The following AP3B1 variants were observed in gnomAD, a reference collection of about 807,000 sequenced individuals.
AP3B1 encodes the protein AP-3 complex subunit beta-1.
AP3B1 carries 61 observed loss-of-function variants against 132.5 expected under a neutral mutation model. The ratio of observed to expected loss-of-function variants is 0.46; its 90% CI spans 0.37 to 0.57. The LOEUF (loss-of-function observed/expected upper bound fraction) is 0.57. Among genes scored for constraint, AP3B1 ranks in the 20% least tolerant of loss-of-function variants. AP3B1 has a pLI of 0.00. For synonymous variants in AP3B1, 388 were observed against 438.3 expected, an observed-to-expected ratio of 0.89 and a Z score of 1.43; for missense variants, 1,120 against 1,289.4, an observed-to-expected ratio of 0.87 and a Z score of 2.01.
At chr5:78,069,337 T>C (rs913799476) in intron 22 of AP3B1, among the ~76,000 whole-genome samples, 1 of 152,166 alleles carries the variant, frequency 6.6e-6, no homozygotes, top group Admixed American at 6.6e-5. Flanking sequence ...TGACATGATC[T>C]TATATCTAGA....
At chr5:78,238,511 C>CT (rs1375675469) in intron 3 of AP3B1, among the ~76,000 whole-genome samples, 1 of 152,046 alleles carries the variant, frequency 6.6e-6, no homozygotes, top group African/African-American at 2.4e-5. Context: ...ACGTTGGGGA[C>CT]TACTGATATA....
chr5:78,180,934 GAACA>G (rs1481618526), intron 8 of AP3B1, among the ~76,000 whole-genome samples: 1 of 151,332 alleles, frequency 6.6e-6, no homozygotes, highest in Non-Finnish European at 1.5e-5. Flanking sequence ...AAAAGGTGTC[GAACA>G]AACAAAAAAA....
chr5:78,128,782 T>G (rs987762978), intron 16 of AP3B1, among the ~76,000 whole-genome samples: 2 of 152,092 alleles, frequency 1.3e-5, no homozygotes, highest in Non-Finnish European at 2.9e-5. Flanking sequence ...TAACTCACTA[T>G]TAAAAGGAAT....
At chr5:78,244,952 A>G (rs767837661) in intron 2 of AP3B1, among the ~76,000 whole-genome samples, 8 of 151,536 alleles carry the variant, frequency 5.3e-5, no homozygotes. Flanking sequence ...CCAAGATCGC[A>G]CCCCTGCACT....
intron 2 of AP3B1, among the ~76,000 whole-genome samples, chr5:78,257,524 CA>C (rs1193041695): frequency 6.6e-6 from 1 of 152,084 alleles, no homozygotes; most frequent in Non-Finnish European, 1.5e-5. Context: ...TTGAAAAGGA[CA>C]CCAAAAAATG....
At chr5:78,046,819 T>C (rs1039838128) in intron 22 of AP3B1, among the ~76,000 whole-genome samples, 2 of 152,150 alleles carry the variant, frequency 1.3e-5, no homozygotes, top group African/African-American at 4.8e-5. Flanking sequence ...CTGTCATCTA[T>C]ATTAGGTATT....
At chr5:78,055,493 A>T (rs1284784830) in intron 22 of AP3B1, among the ~76,000 whole-genome samples, 2 of 152,198 alleles carry the variant, frequency 1.3e-5, no homozygotes, top group African/African-American at 4.8e-5. Context: ...ACTGCATGTG[A>T]CAGTGTGTTG....
intron 21 of AP3B1, among the ~76,000 whole-genome samples, chr5:78,096,785 G>A (rs374212977): frequency 0.035 from 5,280 of 150,966 alleles, 142 homozygotes; most frequent in Middle Eastern, 0.049. Flanking sequence ...CAGCCGCCCC[G>A]TCTGGGAAGT....
At chr5:78,008,996 C>CA in intron 26 of AP3B1, among the ~76,000 whole-genome samples, 1 of 152,118 alleles carries the variant, frequency 6.6e-6, no homozygotes, top group Non-Finnish European at 1.5e-5. Flanking sequence ...CTAGCACCAG[C>CA]AAAATCTGTC....
intron 15 of AP3B1, among the ~76,000 whole-genome samples, chr5:78,138,969 CAAAAAAAAAA>C (rs34427836): frequency 2.3e-4 from 9 of 39,470 alleles, no homozygotes; most frequent in Admixed American, 1.8e-3. Context: ...AACTCTGTCT[CAAAAAAAAAA>C]AAAAAAAAAA....
chr5:78,268,251 G>A (rs763298606), intron 1 of AP3B1, among the ~76,000 whole-genome samples: 120 of 151,956 alleles, frequency 7.9e-4, no homozygotes, highest in Non-Finnish European at 3.8e-4. Flanking sequence ...AACAGAAAAG[G>A]GAGAGAAATT....
intron 1 of AP3B1, among the ~76,000 whole-genome samples, chr5:78,283,338 G>A (rs1417565640): frequency 6.6e-6 from 1 of 152,138 alleles, no homozygotes; most frequent in Admixed American, 6.5e-5. Flanking sequence ...CCATTTATCG[G>A]CTGTCTTCCT....
intron 22 of AP3B1, among the ~76,000 whole-genome samples, chr5:78,076,726 A>G (rs1310424668): frequency 2.6e-5 from 4 of 152,316 alleles, no homozygotes; most frequent in African/African-American, 7.2e-5. Context: ...CAATATTTCA[A>G]ACAATCAAGG....
chr5:78,238,327 C>T lies in AP3B1; in HGVS notation c.279+2535G>A, dbSNP rs193212208. On this transcript the variant is annotated intron_variant, in intron 3 of 26. Coordinates refer to ENST00000255194, the MANE Select transcript of AP3B1 (RefSeq NM_003664.5). ...TAAGAAAACAAGCTCAGGGCTCCCA[C>T]TGATTCTACATTATGGTGAGTTATA... Among the ~76,000 whole-genome samples the T allele has an allele frequency of 6.8e-3, 1,028 of 152,296 alleles. 7 individuals carry two copies. The highest frequency in any genetic ancestry group is 0.012 in the Non-Finnish European group (798 of 68,024).
intron 2 of AP3B1, among the ~76,000 whole-genome samples, chr5:78,251,601 G>A (rs544377572): frequency 6.6e-5 from 10 of 152,234 alleles, no homozygotes; most frequent in South Asian, 2.1e-4. Context: ...AAGGAAAACC[G>A]GACCGAACTC....
chr5:78,224,083 A>G (rs971352862), intron 6 of AP3B1, among the ~76,000 whole-genome samples: 4 of 152,168 alleles, frequency 2.6e-5, no homozygotes, highest in African/African-American at 9.6e-5. Flanking sequence ...TTTTTAAATT[A>G]TTAAAATCAA....
At chr5:78,210,725 C>T (rs974291879) in intron 7 of AP3B1, among the ~76,000 whole-genome samples, 1 of 152,204 alleles carries the variant, frequency 6.6e-6, no homozygotes, top group African/African-American at 2.4e-5. Flanking sequence ...AAAAACATTC[C>T]TAGCAGGCCC....
intron 2 of AP3B1, among the ~76,000 whole-genome samples, chr5:78,241,587 C>T (rs1177982970): frequency 6.6e-6 from 1 of 152,080 alleles, no homozygotes; most frequent in African/African-American, 2.4e-5. Context: ...CTTCTGCAAC[C>T]ATTGCTTTTC....
At chr5:78,238,727 T>C (rs927563951) in intron 3 of AP3B1, among the ~76,000 whole-genome samples, 10 of 151,788 alleles carry the variant, frequency 6.6e-5, no homozygotes, top group African/African-American at 2.4e-4. Flanking sequence ...AAAATGTTTC[T>C]AGTTAACCCA....
Sources: gnomAD v4.1 joint callset for allele counts (sites outside exome capture counted in the v4.1 genomes callset) on GRCh38, gnomAD v4.1.1 for gene constraint, MANE v1.5 for transcripts, NCBI Gene and HGNC (gene_info 2026-07-23, HGNC 2026-07-21) for gene names.